CDH13: variants seen among roughly 807,000 people sequenced by gnomAD.
The protein encoded by CDH13 is cadherin 13.
Under a neutral mutation model 63.8 loss-of-function variants are expected in CDH13, and 24 were observed. The observed-to-expected ratio is 0.38, with a 90% CI of 0.27 to 0.53. The LOEUF (loss-of-function observed/expected upper bound fraction) is 0.53. CDH13 is among the 20% of genes least tolerant of loss of function. The probability of loss-of-function intolerance (pLI) is 0.85; values close to 1 mark genes in which losing one functional copy is unlikely to be tolerated. For missense variants in CDH13, 1,049 were observed against 903.1 expected (o/e 1.16, Z -2.07); for synonymous variants, 503 against 355.3 (o/e 1.42, Z -4.67).
intron 5 of CDH13, among the ~76,000 whole-genome samples, chr16:83,235,048 T>C (rs1196840334): frequency 6.6e-6 from 1 of 152,084 alleles, no homozygotes; most frequent in African/African-American, 2.4e-5. Flanking sequence ...AACAAATAGA[T>C]AAATAAATTA....
At chr16:83,647,576 C>G (rs1159019297) in intron 8 of CDH13, among the ~76,000 whole-genome samples, 1 of 152,160 alleles carries the variant, frequency 6.6e-6, no homozygotes, top group Admixed American at 6.5e-5. Flanking sequence ...AGCTGGGCTT[C>G]TGCAAAACCT....
intron 6 of CDH13, among the ~76,000 whole-genome samples, chr16:83,446,771 C>A (rs776903097): frequency 2.6e-5 from 4 of 152,158 alleles, no homozygotes; most frequent in African/African-American, 4.8e-5. Context: ...AACTCCTGGG[C>A]AACTGGAATG....
In CDH13 at chr16:83,346,775, G is replaced by A. The variant is rs573429959; in HGVS notation, c.781+1769G>A. Among the ~76,000 whole-genome samples the A allele has an allele frequency of 1.8e-3, 278 of 152,180 alleles. No homozygotes were observed. In the Middle Eastern group the frequency reaches 0.034, roughly 19 times the overall value. On this transcript the variant is annotated intron_variant, in intron 6 of 13. Transcript: ENST00000567109. ...GAATTCTTTATGCACATGTTATTTT[G>A]TGTATTTTTTATGTATGTTTTTTGT...
intron 2 of CDH13, among the ~76,000 whole-genome samples, chr16:82,882,295 C>T (rs1406031663): frequency 6.6e-6 from 1 of 152,174 alleles, no homozygotes; most frequent in Non-Finnish European, 1.5e-5. Context: ...TATCAGGAAT[C>T]CTTCCAGCCT....
chr16:82,941,456 T>C, intron 2 of CDH13, among the ~76,000 whole-genome samples: 1 of 152,222 alleles, frequency 6.6e-6, no homozygotes, highest in East Asian at 1.9e-4. Context: ...CTTCTGCTTA[T>C]TTCGTTGTTT....
chr16:82,935,819 C>G (rs184598733), intron 2 of CDH13, among the ~76,000 whole-genome samples: 1 of 151,904 alleles, frequency 6.6e-6, no homozygotes, highest in Non-Finnish European at 1.5e-5. Context: ...TGGACACACA[C>G]GAGGAGTTTA....
intron 2 of CDH13, among the ~76,000 whole-genome samples, chr16:82,876,898 T>C (rs920810955): frequency 1.1e-4 from 17 of 152,094 alleles, no homozygotes; most frequent in African/African-American, 3.9e-4. Flanking sequence ...GCTCTGACCA[T>C]AGAAAAAAAG....
chr16:83,614,290 C>T (rs972135943), intron 8 of CDH13, among the ~76,000 whole-genome samples: 1 of 152,172 alleles, frequency 6.6e-6, no homozygotes, highest in African/African-American at 2.4e-5. Flanking sequence ...GTCTACTTCC[C>T]AGTGTTCCCT....
At chr16:83,462,698 G>T (rs2073211364) in intron 6 of CDH13, among the ~76,000 whole-genome samples, 2 of 152,220 alleles carry the variant, frequency 1.3e-5, no homozygotes, top group Non-Finnish European at 2.9e-5. Flanking sequence ...GGAGGTTGCA[G>T]TAAGTCAAGA....
chr16:82,862,306 G>A (rs750661473), intron 2 of CDH13, among the ~76,000 whole-genome samples: 1 of 152,204 alleles, frequency 6.6e-6, no homozygotes, highest in South Asian at 2.1e-4. Context: ...CAGCCACCCA[G>A]CTGGGATGGG....
At chr16:82,744,845 G>A (rs551690155) in intron 1 of CDH13, among the ~76,000 whole-genome samples, 3 of 152,260 alleles carry the variant, frequency 2.0e-5, no homozygotes, top group Non-Finnish European at 4.4e-5. Context: ...ACAAGGTGCA[G>A]AGCCTGTAAA....
intron 3 of CDH13, among the ~76,000 whole-genome samples, chr16:83,095,814 C>A (rs1047964971): frequency 6.6e-6 from 1 of 152,156 alleles, no homozygotes; most frequent in African/African-American, 2.4e-5. Flanking sequence ...ACCACATAGA[C>A]TCCAGAATGT....
chr16:82,778,862 C>G (rs2035622245), intron 1 of CDH13, among the ~76,000 whole-genome samples: 1 of 152,148 alleles, frequency 6.6e-6, no homozygotes, highest in African/African-American at 2.4e-5. Flanking sequence ...CTTAGATTAG[C>G]TGAGTCTTAG....
chr16:83,546,836 G>A (rs2075395219), intron 7 of CDH13, among the ~76,000 whole-genome samples: 1 of 152,172 alleles, frequency 6.6e-6, no homozygotes, highest in African/African-American at 2.4e-5. Flanking sequence ...CAGCCCCATG[G>A]CCATGTCTGT....
chr16:83,304,842 C>G (rs953904748), intron 5 of CDH13, among the ~76,000 whole-genome samples: 2 of 152,166 alleles, frequency 1.3e-5, no homozygotes, highest in Non-Finnish European at 2.9e-5. Flanking sequence ...CTCTCTCCCT[C>G]TCTCCCCCAC....
chr16:83,311,389 A>C (rs1473545150), intron 5 of CDH13, among the ~76,000 whole-genome samples: 6 of 152,226 alleles, frequency 3.9e-5, no homozygotes, highest in Non-Finnish European at 1.5e-5. Flanking sequence ...GCCCAGCTAC[A>C]CATATGTAAT....
intron 2 of CDH13, among the ~76,000 whole-genome samples, chr16:82,873,468 C>T (rs2040408995): frequency 6.6e-6 from 1 of 152,124 alleles, no homozygotes. Flanking sequence ...GTCATTGCCT[C>T]TGAGAACAGA....
intron 7 of CDH13, among the ~76,000 whole-genome samples, chr16:83,526,690 A>C (rs1225996810): frequency 6.6e-6 from 1 of 152,144 alleles, no homozygotes; most frequent in Non-Finnish European, 1.5e-5. Context: ...ATTTGCTGCC[A>C]CTGTTTAAAC....
In CDH13 at chr16:83,375,099, C is replaced by T. The variant is rs182714316; in HGVS notation, c.781+30093C>T. 3.3e-3 allele frequency among the ~76,000 whole-genome samples: 498 copies of T among 152,294 alleles called. 3 individuals carry two copies. Among genetic ancestry groups the T allele is most frequent in the African/African-American group, 8.3e-3 (343 of 41,558 alleles). ...TTTCTTTAATTCTGTCTGTGCAAGT[C>T]AGAGCATTCGGTATATTCCCACCCT... is the stretch of plus-strand genomic sequence containing the variant. On this transcript the variant is annotated intron_variant, in intron 6 of 13. Transcript: ENST00000567109.
Sources: gnomAD v4.1 joint callset for allele counts (sites outside exome capture counted in the v4.1 genomes callset) on GRCh38, gnomAD v4.1.1 for gene constraint, MANE v1.5 for transcripts, NCBI Gene and HGNC (gene_info 2026-07-23, HGNC 2026-07-21) for gene names.